GPR158: variants seen among roughly 807,000 people sequenced by gnomAD.
GPR158 encodes the protein metabotropic glycine receptor.
A neutral mutation model predicts 78.2 loss-of-function variants in GPR158; 30 were observed. The observed-to-expected ratio is 0.38, with a 90% CI of 0.29 to 0.52. GPR158 has a LOEUF of 0.52. Ranked by LOEUF, GPR158 falls within the 20% of genes least tolerant of loss-of-function variation. GPR158 has a pLI of 0.83. For synonymous variants in GPR158, 581 were observed against 591.1 expected, an observed-to-expected ratio of 0.98 and a Z score of 0.25; for missense variants, 1,463 against 1,523.5, an observed-to-expected ratio of 0.96 and a Z score of 0.66.
chr10:25,529,506 G>A (rs1376095861), intron 5 of GPR158, among the ~76,000 whole-genome samples: 1 of 152,186 alleles, frequency 6.6e-6, no homozygotes, highest in Non-Finnish European at 1.5e-5. Context: ...TCATTGCAGG[G>A]ATCGGGGAGT....
chr10:25,513,735 T>C (rs1836120421), intron 5 of GPR158, among the ~76,000 whole-genome samples: 3 of 152,158 alleles, frequency 2.0e-5, no homozygotes, highest in Non-Finnish European at 4.4e-5. Context: ...ATCCTTCAGT[T>C]CAAAGAATTT....
chr10:25,599,366 A>G lies in GPR158; in HGVS notation c.*92A>G. On this transcript the variant is annotated 3_prime_UTR_variant, in exon 11 of 11. Transcript: ENST00000376351. ...CAAATATTCCCAAGGAGGATTTGTC[A>G]ATCAAGGAAAACATGACAGATGGTG... is the stretch of plus-strand genomic sequence containing the variant. 3 of 1,013,934 alleles carry G rather than the reference A, an allele frequency of 3.0e-6. No homozygotes were observed. The highest frequency in any genetic ancestry group is 4.3e-6 in the Non-Finnish European group (3 of 696,242). The allele number at this position is 1,013,934 out of a possible 1,614,324, so 62.8% of individuals were successfully genotyped here.
At chr10:25,581,085 C>A (rs191451707) in intron 7 of GPR158, among the ~76,000 whole-genome samples, 21,024 of 150,786 alleles carry the variant, frequency 0.14, 2,490 homozygotes, top group African/African-American at 0.32. Flanking sequence ...CCACCGCGCC[C>A]GGCTAATTTT....
intron 2 of GPR158, among the ~76,000 whole-genome samples, chr10:25,376,223 G>A (rs1834077419): frequency 6.6e-6 from 1 of 151,470 alleles, no homozygotes; most frequent in South Asian, 2.1e-4. Context: ...TATTGTTAGT[G>A]TTTATAGATA....
At chr10:25,574,119 G>A (rs1439798003) in intron 7 of GPR158, among the ~76,000 whole-genome samples, 3 of 108,110 alleles carry the variant, frequency 2.8e-5, no homozygotes, top group Non-Finnish European at 5.2e-5. Context: ...TGAAGCAAAG[G>A]CCACTAGTTT....
intron 2 of GPR158, among the ~76,000 whole-genome samples, chr10:25,389,983 A>G (rs757495614): frequency 2.0e-5 from 3 of 152,184 alleles, no homozygotes; most frequent in African/African-American, 4.8e-5. Flanking sequence ...TTCTCATGAT[A>G]GTGAATAAGT....
At chr10:25,247,804 G>A (rs1462115448) in intron 2 of GPR158, among the ~76,000 whole-genome samples, 1 of 149,834 alleles carries the variant, frequency 6.7e-6, no homozygotes, top group African/African-American at 2.4e-5. Flanking sequence ...ATAGCAGCAT[G>A]ATTTATAGTC....
At position 25,351,436 on chromosome 10, in the gene GPR158, G is replaced by GT. The variant is rs991642139; in HGVS notation, c.1009-44475_1009-44474insT. ...TGGGGAACTGGAGTTGGGGGTGGGG[G>GT]GGTGCTGGAAATGCCTATCCTGGGA... On this transcript the variant is annotated intron_variant, in intron 2 of 10. Transcript: ENST00000376351. 2.6e-5 allele frequency among the ~76,000 whole-genome samples: 4 copies of GT among 151,044 alleles called. No individual in the cohort carries two copies. In the East Asian group the frequency reaches 7.9e-4, roughly 30 times the overall value.
intron 2 of GPR158, among the ~76,000 whole-genome samples, chr10:25,243,392 A>G (rs1588754161): frequency 1.3e-5 from 2 of 152,256 alleles, no homozygotes; most frequent in South Asian, 4.1e-4. Flanking sequence ...CATTCTGCTT[A>G]TAAATTACTG....
chr10:25,531,988 A>G (rs748926481), intron 5 of GPR158, among the ~76,000 whole-genome samples: 2 of 152,156 alleles, frequency 1.3e-5, no homozygotes, highest in African/African-American at 2.4e-5. Context: ...GCATGGGGAG[A>G]TCATACCGGA....
At chr10:25,492,489 T>C (rs1835824178) in intron 5 of GPR158, among the ~76,000 whole-genome samples, 1 of 152,088 alleles carries the variant, frequency 6.6e-6, no homozygotes, top group Non-Finnish European at 1.5e-5. Context: ...TTCCAATTAG[T>C]GAAAGAGCTG....
At chr10:25,246,894 A>G (rs1853699426) in intron 2 of GPR158, among the ~76,000 whole-genome samples, 2 of 152,216 alleles carry the variant, frequency 1.3e-5, no homozygotes, top group Non-Finnish European at 2.9e-5. Flanking sequence ...CAGTCAGTTA[A>G]TGAGGGAATT....
At chr10:25,281,856 T>A (rs1854279675) in intron 2 of GPR158, among the ~76,000 whole-genome samples, 1 of 152,160 alleles carries the variant, frequency 6.6e-6, no homozygotes, top group Admixed American at 6.5e-5. Flanking sequence ...TCCAATGACA[T>A]TTTTTCACTG....
intron 5 of GPR158, among the ~76,000 whole-genome samples, chr10:25,513,067 C>T (rs1212418945): frequency 6.6e-6 from 1 of 151,872 alleles, no homozygotes; most frequent in East Asian, 1.9e-4. Flanking sequence ...GGGAGGATTC[C>T]CTCTTTCTCT....
intron 2 of GPR158, among the ~76,000 whole-genome samples, chr10:25,320,212 T>A (rs1482589728): frequency 1.3e-5 from 2 of 152,224 alleles, no homozygotes; most frequent in East Asian, 3.8e-4. Flanking sequence ...TATCTCACCC[T>A]TCACACACTA....
chr10:25,435,462 C>A (rs11014554), intron 4 of GPR158, among the ~76,000 whole-genome samples: 13,847 of 151,832 alleles, frequency 0.091, 678 homozygotes, highest in East Asian at 0.16. Flanking sequence ...AAACGGGTAT[C>A]CCAGAAAAAG....
At chr10:25,293,657 C>T (rs1245966) in intron 2 of GPR158, among the ~76,000 whole-genome samples, 82,384 of 151,862 alleles carry the variant, frequency 0.54, 23,322 homozygotes, top group Non-Finnish European at 0.64. Flanking sequence ...ATGTTTTTCT[C>T]CATAGCAAAT....
intron 5 of GPR158, among the ~76,000 whole-genome samples, chr10:25,472,885 T>A (rs1835528426): frequency 6.6e-6 from 1 of 152,198 alleles, no homozygotes; most frequent in Non-Finnish European, 1.5e-5. Flanking sequence ...AAATATACAA[T>A]CATGTCATCT....
At chr10:25,403,664 T>G (rs1056290040) in intron 3 of GPR158, among the ~76,000 whole-genome samples, 2 of 152,082 alleles carry the variant, frequency 1.3e-5, no homozygotes, top group African/African-American at 2.4e-5. Flanking sequence ...CAAACAGATT[T>G]GCCCATAGGT....
Sources: gnomAD v4.1 joint callset for allele counts (sites outside exome capture counted in the v4.1 genomes callset) on GRCh38, gnomAD v4.1.1 for gene constraint, MANE v1.5 for transcripts, NCBI Gene and HGNC (gene_info 2026-07-23, HGNC 2026-07-21) for gene names.